The following CREBZF variants were observed in gnomAD, a reference collection of about 807,000 sequenced individuals.
CREBZF encodes the protein HCF-binding transcription factor Zhangfei.
In CREBZF, 8 loss-of-function variants were observed where a neutral mutation model predicts 21.1. The observed-to-expected ratio is 0.38, with a 90% CI of 0.22 to 0.68. The LOEUF (loss-of-function observed/expected upper bound fraction) is 0.68. CREBZF is among the 30% of genes least tolerant of loss of function. The pLI is 0.51. For missense variants in CREBZF, 518 were observed against 484.3 expected (o/e 1.07, Z -0.65); for synonymous variants, 270 against 223.3 (o/e 1.21, Z -1.86).
chr11:85,663,787 G>T lies in CREBZF; in HGVS notation c.*24C>A. ...TAAGGGAGTTGAAAGGGGTAAACGCGGATAAAGAGCAGATTACTTGACCCT... is the reference window on the plus strand; with the variant it reads ...TAAGGGAGTTGAAAGGGGTAAACGCTGATAAAGAGCAGATTACTTGACCCT... On this transcript the variant is annotated 3_prime_UTR_variant, in exon 1 of 1. Transcript: ENST00000527447. 6.3e-7 allele frequency: 1 copy of T among 1,582,428 alleles called. No homozygotes were observed. The highest frequency in any genetic ancestry group is 1.2e-5 in the South Asian group (1 of 86,428).
In CREBZF at chr11:85,659,916, G is replaced by GCTCAAGAAGCCAAAAC. The variant is rs1374652808; in HGVS notation, c.*3879_*3894dup. 1 of 151,924 alleles carries GCTCAAGAAGCCAAAAC rather than the reference G, an allele frequency of 6.6e-6. No individual in the cohort carries two copies. Among genetic ancestry groups the GCTCAAGAAGCCAAAAC allele is most frequent in the African/African-American group, 2.4e-5 (1 of 41,420 alleles). 9.4% of individuals were successfully genotyped at this position (151,924 alleles called of 1,614,324 possible). A position where few individuals can be genotyped will look rare whatever the true frequency, so the allele number is the denominator to read the frequency against. Reference sequence around the variant, plus strand: ...AACAGTATCAAGTACTCAAGAGAAAGCTCAAGAAGCCAAAACCTCAAGAAT... The same window carrying GCTCAAGAAGCCAAAAC: ...AACAGTATCAAGTACTCAAGAGAAAGCTCAAGAAGCCAAAACCTCAAGAAGCCAAAACCTCAAGAAT... On this transcript the variant is annotated 3_prime_UTR_variant, in exon 1 of 1. Coordinates refer to ENST00000527447, the MANE Select transcript of CREBZF (RefSeq NM_001039618.4).
At chr11:85,665,768 C>T (rs1331863809), upstream of CREBZF, among the ~76,000 whole-genome samples, 1 of 152,084 alleles carries the variant, frequency 6.6e-6, no homozygotes, top group East Asian at 1.9e-4. Context: ...TCACTTGAGC[C>T]AAAATCCAAT....
chr11:85,676,471 A>G (rs1184352659), intron 1 of CREBZF, among the ~76,000 whole-genome samples: 1 of 152,214 alleles, frequency 6.6e-6, no homozygotes, highest in Non-Finnish European at 1.5e-5. Flanking sequence ...TGAGGAGAAT[A>G]GTACACAGAA....
chr11:85,680,528 G>A (rs776427621), intron 1 of CREBZF, among the ~76,000 whole-genome samples: 32 of 152,320 alleles, frequency 2.1e-4, no homozygotes, highest in East Asian at 3.9e-4. Flanking sequence ...TGAGGGCACC[G>A]TAGTCAGTTG....
chr11:85,665,084 G>A lies in CREBZF; in HGVS notation c.-209C>T, dbSNP rs980966197. 24 of 427,610 alleles carry A rather than the reference G, an allele frequency of 5.6e-5. No homozygotes were observed. The South Asian group carries it at 1.0e-3, about 18-fold the overall frequency. 26.5% of individuals were successfully genotyped at this position (427,610 alleles called of 1,614,324 possible). On this transcript the variant is annotated 5_prime_UTR_variant, in exon 1 of 1. Coordinates refer to ENST00000527447, the MANE Select transcript of CREBZF (RefSeq NM_001039618.4). ...CGGGAGAACGAAGCGGTGAGGCCCTGCGATGACTCGACCGCGCCACCCAGA... is the reference window on the plus strand; with the variant it reads ...CGGGAGAACGAAGCGGTGAGGCCCTACGATGACTCGACCGCGCCACCCAGA...
intron 1 of CREBZF, among the ~76,000 whole-genome samples, chr11:85,676,772 G>A (rs1335179235): frequency 2.0e-5 from 3 of 150,604 alleles, no homozygotes; most frequent in African/African-American, 4.9e-5. Flanking sequence ...TGAGTAGCTG[G>A]GACTACAGTT....
At chr11:85,672,325 C>T (rs116358749) in intron 1 of CREBZF, among the ~76,000 whole-genome samples, 11,238 of 152,268 alleles carry the variant, frequency 0.074, 553 homozygotes, top group East Asian at 0.1. Context: ...GGGGCTGCCT[C>T]GAAGGTCTCT....
chr11:85,669,979 T>C (rs2153328557), upstream of CREBZF, among the ~76,000 whole-genome samples: 1 of 152,156 alleles, frequency 6.6e-6, no homozygotes, highest in Middle Eastern at 3.4e-3. Context: ...GGCTAATTTT[T>C]GTATTTTTTA....
rs770965733 is a variant in CREBZF, at chr11:85,660,464, T to C, written c.*3347A>G. 4 of 387,294 alleles carry C rather than the reference T, an allele frequency of 1.0e-5. No homozygotes were observed. Among genetic ancestry groups the C allele is most frequent in the African/African-American group, 4.3e-5 (2 of 46,618 alleles). 24.0% of individuals were successfully genotyped at this position (387,294 alleles called of 1,614,324 possible). ...ATCAGTATAGAAGTAATTTGGGAAC[T>C]TGAAAATGGCATTCATTTTTTTCAG... On this transcript the variant is annotated 3_prime_UTR_variant, in exon 1 of 1. Coordinates refer to ENST00000527447, the MANE Select transcript of CREBZF (RefSeq NM_001039618.4).
At chr11:85,669,396 C>G (rs2082895809), upstream of CREBZF, among the ~76,000 whole-genome samples, 1 of 124,628 alleles carries the variant, frequency 8.0e-6, no homozygotes, top group South Asian at 2.6e-4. Flanking sequence ...TTTATTCAGT[C>G]ATTCTACACA....
chr11:85,671,929 T>C (rs1394649967), intron 1 of CREBZF, among the ~76,000 whole-genome samples: 1 of 152,254 alleles, frequency 6.6e-6, no homozygotes, highest in Non-Finnish European at 1.5e-5. Flanking sequence ...AGTGCCCCAG[T>C]GTGGACTCTG....
intron 1 of CREBZF, among the ~76,000 whole-genome samples, chr11:85,672,240 TGCACACAGCACGGGGCCCTGG>T (rs1295033792): frequency 6.6e-6 from 1 of 152,250 alleles, no homozygotes; most frequent in Non-Finnish European, 1.5e-5. Context: ...GTCCCTAGGC[TGCACACAGCACGGGGCCCTGG>T]GCCCTGCCCA....
Position 85,660,585 on chromosome 11 carries a change from A to C in CREBZF, c.*3226T>G, listed in dbSNP as rs1298006761. Reference sequence around the variant, plus strand: ...GTTGTAGGAAAAGATTCGTTTTTGCAGACACTGCTAAGCTGTTCAAAGAGA... The same window carrying C: ...GTTGTAGGAAAAGATTCGTTTTTGCCGACACTGCTAAGCTGTTCAAAGAGA... On this transcript the variant is annotated 3_prime_UTR_variant, in exon 1 of 1. Coordinates refer to ENST00000527447, the MANE Select transcript of CREBZF (RefSeq NM_001039618.4). 3 of 455,020 alleles carry C rather than the reference A, an allele frequency of 6.6e-6. No homozygotes were observed. Among genetic ancestry groups the C allele is most frequent in the African/African-American group, 6.0e-5 (3 of 49,960 alleles). 28.2% of individuals were successfully genotyped at this position (455,020 alleles called of 1,614,324 possible). A position where few individuals can be genotyped will look rare whatever the true frequency, so the allele number is the denominator to read the frequency against.
Position 85,665,060 on chromosome 11 carries a change from G to A in CREBZF, c.-185C>T, listed in dbSNP as rs981864242. 2.3e-5 allele frequency: 10 copies of A among 442,860 alleles called. No homozygotes were observed. Among genetic ancestry groups the A allele is most frequent in the South Asian group, 8.5e-5 (1 of 11,796 alleles). 27.4% of individuals were successfully genotyped at this position (442,860 alleles called of 1,614,324 possible). ...CCCGCGCCAAGGCGCGGGGAGGGAC[G>A]GGAGAACGAAGCGGTGAGGCCCTGC... is the stretch of plus-strand genomic sequence containing the variant. On this transcript the variant is annotated 5_prime_UTR_variant, in exon 1 of 1. Coordinates refer to ENST00000527447, the MANE Select transcript of CREBZF (RefSeq NM_001039618.4).
At chr11:85,667,643 A>G (rs1303289674), upstream of CREBZF, among the ~76,000 whole-genome samples, 1 of 152,140 alleles carries the variant, frequency 6.6e-6, no homozygotes, top group East Asian at 1.9e-4. Context: ...GCTGCTTCTC[A>G]GGCTGTAATT....
chr11:85,666,599 T>C (rs1379330125), upstream of CREBZF, among the ~76,000 whole-genome samples: 1 of 152,206 alleles, frequency 6.6e-6, no homozygotes, highest in African/African-American at 2.4e-5. Flanking sequence ...GTAGTAGATA[T>C]CCTCGAGGAT....
Position 85,662,413 on chromosome 11 carries a change from G to A in CREBZF, c.*1398C>T. ...CCTTTTAAAATAAAGCAGGAAATGT[G>A]GCCAGCAGCTGGTCCCGTCTCTTCT... On this transcript the variant is annotated 3_prime_UTR_variant, in exon 1 of 1. Transcript: ENST00000527447. 1 of 717,076 alleles carries A rather than the reference G, an allele frequency of 1.4e-6. No individual in the cohort carries two copies. The highest frequency in any genetic ancestry group is 1.5e-5 in the South Asian group (1 of 67,576). The allele number at this position is 717,076 out of a possible 1,614,324, so 44.4% of individuals were successfully genotyped here.
At position 85,664,823 on chromosome 11, in the gene CREBZF, G is replaced by A; in HGVS notation, c.53C>T (p.Thr18Ile). 1 of 1,545,202 alleles carries A rather than the reference G, an allele frequency of 6.5e-7. No homozygotes were observed. The highest frequency in any genetic ancestry group is 1.2e-5 in the South Asian group (1 of 81,292). ...LLAASGSNSP[T>I]RSESPEPAAT... Reference sequence around the variant, plus strand: ...AGCCGGCTCCGGGCTCTCACTGCGGGTTGGGGAGTTGCTGCCCGAGGCTGC... The same window carrying A: ...AGCCGGCTCCGGGCTCTCACTGCGGATTGGGGAGTTGCTGCCCGAGGCTGC... The change falls in exon 1 of 1, where the codon ACC (threonine) becomes ATC (isoleucine). Residue 18 changes from threonine (T) to isoleucine (I), a missense_variant. Transcript: ENST00000527447. The surrounding 1 kb of genome is among the most constrained non-coding windows in gnomAD (Gnocchi z 5.5).
intron 1 of CREBZF, among the ~76,000 whole-genome samples, chr11:85,677,088 T>C (rs7112572): frequency 6.6e-6 from 1 of 151,198 alleles, no homozygotes. Context: ...CTCAGCCTCC[T>C]GATTAGCTGG....
Sources: gnomAD v4.1 joint callset for allele counts (sites outside exome capture counted in the v4.1 genomes callset) on GRCh38, gnomAD v4.1.1 for gene constraint, Gnocchi (gnomAD v3.1) non-coding constraint, MANE v1.5 for transcripts, NCBI Gene and HGNC (gene_info 2026-07-23, HGNC 2026-07-21) for gene names.